The following CNTLN variants were observed in gnomAD, a reference collection of about 807,000 sequenced individuals.
CNTLN encodes centlein, centrosomal protein.
Under a neutral mutation model 180.0 loss-of-function variants are expected in CNTLN, and 212 were observed. The ratio of observed to expected loss-of-function variants is 1.18; its 90% CI spans 1.05 to 1.32. The LOEUF (loss-of-function observed/expected upper bound fraction) is 1.32. CNTLN is among the 40% of genes most tolerant of loss of function. The pLI, the probability that CNTLN is intolerant of heterozygous loss-of-function variation, is 0.00. For missense variants in CNTLN, 2,095 were observed against 1,610.9 expected (o/e 1.30, Z -5.14); for synonymous variants, 722 against 563.1 (o/e 1.28, Z -3.99).
intron 15 of CNTLN, among the ~76,000 whole-genome samples, chr9:17,404,595 C>T (rs1827232728): frequency 6.6e-6 from 1 of 151,686 alleles, no homozygotes; most frequent in Non-Finnish European, 1.5e-5. Flanking sequence ...TGTTTGGAAA[C>T]CAGAGAATTC....
At chr9:17,370,809 A>G (rs1314545128) in intron 13 of CNTLN, among the ~76,000 whole-genome samples, 3 of 152,166 alleles carry the variant, frequency 2.0e-5, no homozygotes, top group Non-Finnish European at 4.4e-5. Flanking sequence ...ACAAAGTTAA[A>G]TAATTTTTAT....
intron 5 of CNTLN, among the ~76,000 whole-genome samples, chr9:17,260,492 C>G (rs1826876982): frequency 6.6e-6 from 1 of 151,112 alleles, no homozygotes; most frequent in African/African-American, 2.5e-5. Context: ...TGTTCTTTGC[C>G]CACTTTTTAA....
intron 23 of CNTLN, among the ~76,000 whole-genome samples, chr9:17,475,458 A>T (rs1832279880): frequency 6.6e-6 from 1 of 151,614 alleles, no homozygotes; most frequent in Non-Finnish European, 1.5e-5. Flanking sequence ...GATGGAAAAA[A>T]GAAATAAAGA....
At chr9:17,337,127 A>G (rs1821101373) in intron 10 of CNTLN, among the ~76,000 whole-genome samples, 1 of 152,106 alleles carries the variant, frequency 6.6e-6, no homozygotes, top group Non-Finnish European at 1.5e-5. Context: ...GTGTCTGTTC[A>G]TATCCTTCGC....
chr9:17,239,393 A>G (rs1440413571), intron 5 of CNTLN, among the ~76,000 whole-genome samples: 2 of 152,234 alleles, frequency 1.3e-5, no homozygotes, highest in Non-Finnish European at 2.9e-5. Context: ...AGATATATAC[A>G]TTGAAACTAT....
chr9:17,143,161 G>T, intron 1 of CNTLN, 127 bp from the exon 2 acceptor site: 1 of 623,428 alleles, frequency 1.6e-6, no homozygotes, highest in Non-Finnish European at 2.8e-6. Context: ...CCTTTAAAGA[G>T]AATCAGTTGA....
intron 20 of CNTLN, 41 bp from the exon 21 acceptor site, chr9:17,464,456 T>A: frequency 6.6e-7 from 1 of 1,508,938 alleles, no homozygotes; most frequent in African/African-American, 1.5e-5. Context: ...ACTGTTAAGG[T>A]ATTTTCTGTC....
In CNTLN at chr9:17,499,665, A is replaced by G. The variant is rs878953032; in HGVS notation, c.4120-2886A>G. The stretch of plus-strand genomic sequence containing the variant: ...TAAATTGTTGCATTTATTTGAAAAC[A>G]TAAGTAGATTTTACAAAATATTGTT... On this transcript the variant is annotated intron_variant, in intron 25 of 25. Coordinates refer to ENST00000380647, the MANE Select transcript of CNTLN (RefSeq NM_017738.4). Among the ~76,000 whole-genome samples the G allele has an allele frequency of 5.3e-5, 8 of 152,336 alleles. 1 individual carries two copies. The highest frequency in any genetic ancestry group is 4.6e-4 in the Admixed American group (7 of 15,304).
intron 5 of CNTLN, among the ~76,000 whole-genome samples, chr9:17,262,017 A>G (rs896357932): frequency 6.6e-6 from 1 of 151,570 alleles, no homozygotes; most frequent in East Asian, 1.9e-4. Flanking sequence ...TATCAAAACC[A>G]CTATGAGATA....
intron 5 of CNTLN, among the ~76,000 whole-genome samples, chr9:17,253,627 T>G (rs910488923): frequency 2.0e-5 from 3 of 151,584 alleles, no homozygotes; most frequent in Non-Finnish European, 4.4e-5. Flanking sequence ...ATCCTGCAAC[T>G]TTACTGAATT....
At chr9:17,408,275 C>G (rs1587914165) in intron 15 of CNTLN, among the ~76,000 whole-genome samples, 1 of 152,142 alleles carries the variant, frequency 6.6e-6, no homozygotes, top group East Asian at 1.9e-4. Flanking sequence ...AAAGCTCATC[C>G]ATGTGGGAAA....
chr9:17,311,537 C>T (rs938380275), intron 8 of CNTLN, among the ~76,000 whole-genome samples: 1 of 148,784 alleles, frequency 6.7e-6, no homozygotes, highest in Admixed American at 6.7e-5. Context: ...CGGCTGGGTG[C>T]GGTGGCTCAC....
intron 2 of CNTLN, among the ~76,000 whole-genome samples, chr9:17,192,864 T>A (rs1821876270): frequency 1.3e-5 from 2 of 152,290 alleles, no homozygotes; most frequent in East Asian, 3.9e-4. Context: ...GTTTTCACGC[T>A]GCTGATAAAG....
At chr9:17,413,319 A>C (rs931048195) in intron 16 of CNTLN, among the ~76,000 whole-genome samples, 1 of 152,200 alleles carries the variant, frequency 6.6e-6, no homozygotes, top group Non-Finnish European at 1.5e-5. Context: ...TTCAGAAAGA[A>C]ATATAAGAGA....
chr9:17,440,120 G>C (rs1261711949), intron 18 of CNTLN, among the ~76,000 whole-genome samples: 2 of 152,172 alleles, frequency 1.3e-5, no homozygotes, highest in African/African-American at 2.4e-5. Context: ...ACATTAACAA[G>C]TGTTGATAAG....
At chr9:17,403,974 C>T (rs1482343397) in intron 15 of CNTLN, among the ~76,000 whole-genome samples, 1 of 151,628 alleles carries the variant, frequency 6.6e-6, no homozygotes, top group Non-Finnish European at 1.5e-5. Flanking sequence ...TGGGGTTTCA[C>T]TATTTTGGCC....
intron 24 of CNTLN, among the ~76,000 whole-genome samples, chr9:17,486,411 A>C (rs1003744461): frequency 6.6e-6 from 1 of 152,088 alleles, no homozygotes; most frequent in Non-Finnish European, 1.5e-5. Context: ...AATACATTTC[A>C]ATTCCAGAAA....
chr9:17,312,443 G>T (rs1268325844), intron 8 of CNTLN, among the ~76,000 whole-genome samples: 2 of 145,780 alleles, frequency 1.4e-5, no homozygotes, highest in Non-Finnish European at 3.0e-5. Context: ...CTGGAGTGCA[G>T]TGGCGCGATC....
chr9:17,332,716 G>T lies in CNTLN; in HGVS notation c.1630G>T (p.Ala544Ser). The change falls in exon 10 of 26, where the codon GCA becomes TCA. Residue 544 changes from alanine (A) to serine (S), a missense_variant. Transcript: ENST00000380647. ...AERKIENLEKALQLKSQENDE... is the reference protein window; with the variant it reads ...AERKIENLEKSLQLKSQENDE... ...AAGAAAGATTGAAAACTTAGAGAAGGCACTACAACTAAAGGTGAACATTAA... is the reference window on the plus strand; with the variant it reads ...AAGAAAGATTGAAAACTTAGAGAAGTCACTACAACTAAAGGTGAACATTAA... 1 of 1,599,174 alleles carries T rather than the reference G, an allele frequency of 6.3e-7. No homozygotes were observed. The highest frequency in any genetic ancestry group is 8.5e-7 in the Non-Finnish European group (1 of 1,174,750).
Sources: allele counts gnomAD v4.1 joint callset (sites outside exome capture counted in the v4.1 genomes callset), GRCh38; gene constraint gnomAD v4.1.1; transcripts MANE v1.5; gene names NCBI Gene and HGNC (gene_info 2026-07-23, HGNC 2026-07-21).